TRPV5: variants seen among roughly 807,000 people sequenced by gnomAD.
The protein encoded by TRPV5 is transient receptor potential cation channel subfamily V member 5.
In TRPV5, 66 loss-of-function variants were observed where a neutral mutation model predicts 74.1. That is an observed-to-expected ratio of 0.89 (90% confidence interval 0.73 to 1.09). The LOEUF is 1.09. TRPV5 is among the 50% of genes least tolerant of loss of function. The pLI, the probability that TRPV5 is intolerant of heterozygous loss-of-function variation, is 0.00. For missense variants in TRPV5, 936 were observed against 930.4 expected (o/e 1.01, Z -0.08); for synonymous variants, 399 against 360.7 (o/e 1.11, Z -1.20).
chr7:142,923,468 G>A (rs4252445), intron 8 of TRPV5, among the ~76,000 whole-genome samples: 14 of 152,112 alleles, frequency 9.2e-5, no homozygotes, highest in African/African-American at 3.1e-4. Context: ...CAGGGCCAGG[G>A]CTCAAAGCAT....
Position 142,925,729 on chromosome 7 carries a change from G to A in TRPV5, c.922C>T (p.Leu308=). The change falls in exon 8 of 15, where the codon CTG becomes TTG. Residue 308 remains leucine (L), a synonymous_variant. Transcript: ENST00000265310. ...SSDKREARQI[L]EQTPVKELVS... is the part of the protein sequence containing the mutation. ...AGCTCCTTCACTGGGGTCTGTTCCAGAATTTGGCGAGCCTGGCATGGAAGT... is the reference window on the plus strand; with the variant it reads ...AGCTCCTTCACTGGGGTCTGTTCCAAAATTTGGCGAGCCTGGCATGGAAGT... 1 of 1,614,058 alleles carries A rather than the reference G, an allele frequency of 6.2e-7. No individual in the cohort carries two copies. Among genetic ancestry groups the A allele is most frequent in the African/African-American group, 1.3e-5 (1 of 75,030 alleles).
intron 13 of TRPV5, among the ~76,000 whole-genome samples, chr7:142,910,909 C>T (rs1343910757): frequency 2.0e-5 from 3 of 152,122 alleles, no homozygotes; most frequent in African/African-American, 7.2e-5. Context: ...CTATTTTCCC[C>T]CAAACCTCCC....
intron 8 of TRPV5, among the ~76,000 whole-genome samples, chr7:142,921,301 A>G (rs1315695512): frequency 6.6e-6 from 1 of 152,148 alleles, no homozygotes; most frequent in African/African-American, 2.4e-5. Context: ...ATTTATTTTG[A>G]GACGGAGTCT....
chr7:142,912,652 C>G lies in TRPV5; in HGVS notation c.1618G>C (p.Val540Leu), dbSNP rs778360112. ...TCGTAGTTGGCAGGTGCATCAATAA[C>G]AGTGAGAAAAAGCTCAAAGGTGGTG... The part of the protein sequence containing the change: ...LFTTFELFLT[V>L]IDAPANYDVD... The change falls in exon 13 of 15, where the codon GTT becomes CTT. Residue 540 changes from valine to leucine, a missense_variant. Transcript: ENST00000265310. The G allele has an allele frequency of 2.5e-6, 4 of 1,614,214 alleles. No individual in the cohort carries two copies. The South Asian group carries it at 4.4e-5, about 18-fold the overall frequency.
chr7:142,917,083 GTTT>G (rs370492757), intron 8 of TRPV5, among the ~76,000 whole-genome samples: 5 of 149,074 alleles, frequency 3.4e-5, no homozygotes, highest in Non-Finnish European at 7.4e-5. Flanking sequence ...TTTTTTGTGC[GTTT>G]TTTTTGTTTT....
chr7:142,928,483 A>G (rs4252414), intron 6 of TRPV5, among the ~76,000 whole-genome samples: 2,461 of 152,306 alleles, frequency 0.016, 59 homozygotes, highest in African/African-American at 0.056. Context: ...GCATTAAGGT[A>G]AGGTTCTCAA....
At chr7:142,924,275 T>TAC (rs200638722) in intron 8 of TRPV5, among the ~76,000 whole-genome samples, 2 of 121,396 alleles carry the variant, frequency 1.6e-5, no homozygotes, top group African/African-American at 6.8e-5. Flanking sequence ...CATATATATA[T>TAC]ATATACATAT....
chr7:142,918,615 A>G (rs1795834583), intron 8 of TRPV5, among the ~76,000 whole-genome samples: 1 of 152,206 alleles, frequency 6.6e-6, no homozygotes, highest in South Asian at 2.1e-4. Context: ...TTTAATCTTT[A>G]TCGTCACAGA....
intron 13 of TRPV5, 76 bp downstream of exon 13, chr7:142,912,406 T>G (rs1399499486): frequency 6.5e-7 from 1 of 1,540,604 alleles, no homozygotes; most frequent in Non-Finnish European, 8.8e-7. Context: ...TTAAGAATGA[T>G]CCACCATAAC....
chr7:142,923,497 T>A (rs1256606381), intron 8 of TRPV5, among the ~76,000 whole-genome samples: 1 of 152,060 alleles, frequency 6.6e-6, no homozygotes, highest in African/African-American at 2.4e-5. Context: ...TTCATTAGCG[T>A]TCTTTGTTAT....
intron 7 of TRPV5, among the ~76,000 whole-genome samples, chr7:142,926,540 G>A (rs141389205): frequency 2.4e-4 from 36 of 152,300 alleles, no homozygotes; most frequent in African/African-American, 7.5e-4. Flanking sequence ...GCTCGGCAGT[G>A]TAGGGCAGGA....
At chr7:142,918,126 C>A (rs1795828488) in intron 8 of TRPV5, among the ~76,000 whole-genome samples, 2 of 152,178 alleles carry the variant, frequency 1.3e-5, no homozygotes, top group Non-Finnish European at 2.9e-5. Context: ...TTTTAATTAA[C>A]CACCCTTGCA....
At position 142,908,770 on chromosome 7, in the gene TRPV5, A is replaced by G. The variant is rs1795656976; in HGVS notation, c.1934T>C (p.Leu645Pro). 6.2e-7 allele frequency: 1 copy of G among 1,613,566 alleles called. No homozygotes were observed. Among genetic ancestry groups the G allele is most frequent in the Admixed American group, 1.7e-5 (1 of 59,994 alleles). Residue 645 changes from leucine to proline, a missense_variant, in exon 15 of 15, where the codon CTT (leucine) becomes CCT (proline). Transcript: ENST00000265310. ...GTTCTTGAACACTTCCACATAGCGA[A>G]GCACTCGCAGAGGATTCTGATCATT... ...NHNDQNPLRV[L>P]RYVEVFKNSD...
In TRPV5 at chr7:142,921,523, C is replaced by T. The variant is rs1027559048; in HGVS notation, c.1122+4006G>A. 9.9e-5 allele frequency among the ~76,000 whole-genome samples: 15 copies of T among 151,976 alleles called. No individual in the cohort carries two copies. The East Asian group carries it at 1.2e-3, about 12-fold the overall frequency. Reference sequence around the variant, plus strand: ...GTCTCAAACTCCTGACCTCGTGATCCGCCGCCTCAGCCTCCCAAAGTGCTG... The same window carrying T: ...GTCTCAAACTCCTGACCTCGTGATCTGCCGCCTCAGCCTCCCAAAGTGCTG... On this transcript the variant is annotated intron_variant, in intron 8 of 14. Coordinates refer to ENST00000265310, the MANE Select transcript of TRPV5 (RefSeq NM_019841.7).
At chr7:142,933,125 T>G (rs1205579505) in intron 1 of TRPV5, among the ~76,000 whole-genome samples, 1 of 152,182 alleles carries the variant, frequency 6.6e-6, no homozygotes, top group African/African-American at 2.4e-5. Context: ...AAGATTTTCC[T>G]GTGTGGCCCA....
rs1796069353 is a variant in TRPV5 at position 142,930,432 on chromosome 7, G to A, written c.143C>T (p.Pro48Leu). ...ATTTTCCTTGGATGCTCGAAGCAGT[G>A]GAGACTCTAGAATCCTGGGGAAAGG... ...MLQQKRILES[P>L]LLRASKENDL... The change falls in exon 2 of 15, where the codon CCA becomes CTA. Residue 48 changes from proline (P) to leucine (L), a missense_variant. Pro to Leu is a moderately conservative substitution (Grantham distance 98). Coordinates refer to ENST00000265310, the MANE Select transcript of TRPV5 (RefSeq NM_019841.7). 6.2e-7 allele frequency: 1 copy of A among 1,613,810 alleles called. No homozygotes were observed. The highest frequency in any genetic ancestry group is 1.3e-5 in the African/African-American group (1 of 74,916).
chr7:142,933,525 G>A lies in TRPV5; in HGVS notation c.-66C>T, dbSNP rs1586232924. On this transcript the variant is annotated 5_prime_UTR_variant, in exon 1 of 15. Coordinates refer to ENST00000265310, the MANE Select transcript of TRPV5 (RefSeq NM_019841.7). ...CGAAAGAAACAGGTCTAGGATGACA[G>A]CAACTGAGCAAGAGATGGGGTCTAT... The A allele has an allele frequency of 6.4e-7, 1 of 1,565,052 alleles. No homozygotes were observed. The highest frequency in any genetic ancestry group is 8.6e-7 in the Non-Finnish European group (1 of 1,157,204).
chr7:142,922,260 A>G (rs1795896979), intron 8 of TRPV5, among the ~76,000 whole-genome samples: 1 of 152,218 alleles, frequency 6.6e-6, no homozygotes, highest in Non-Finnish European at 1.5e-5. Flanking sequence ...AATTTATTTA[A>G]TGAATGGATT....
rs1454144243 is a variant in TRPV5 at position 142,929,598 on chromosome 7, C to A, written c.350-33G>T. 3 of 1,606,416 alleles carry A rather than the reference C, an allele frequency of 1.9e-6. No individual in the cohort carries two copies. In the East Asian group the frequency reaches 6.7e-5, roughly 36 times the overall value. ...AGAGACAGCCATCATCAGGGTCTCC[C>A]TCTGTCCCCAGTTCTCTCAGGGACA... On this transcript the variant is annotated intron_variant, in intron 3 of 14. Coordinates refer to ENST00000265310, the MANE Select transcript of TRPV5 (RefSeq NM_019841.7).
Sources: gnomAD v4.1 joint callset for allele counts (sites outside exome capture counted in the v4.1 genomes callset) on GRCh38, gnomAD v4.1.1 for gene constraint, MANE v1.5 for transcripts, NCBI Gene and HGNC (gene_info 2026-07-23, HGNC 2026-07-21) for gene names.